Variants in MAP3K7CL observed in about 807,000 individuals in gnomAD.
The protein encoded by MAP3K7CL is MAP3K7 C-terminal like.
In MAP3K7CL, 16 loss-of-function variants were observed where a neutral mutation model predicts 18.6. The ratio of observed to expected loss-of-function variants is 0.86; its 90% CI spans 0.58 to 1.31. The LOEUF (loss-of-function observed/expected upper bound fraction) is 1.31, where lower values mean the gene tolerates loss of function less well. Ranked by LOEUF, MAP3K7CL falls within the 50% of genes most tolerant of loss-of-function variation. MAP3K7CL has a pLI of 0.00. For synonymous variants in MAP3K7CL, 65 were observed against 66.8 expected, an observed-to-expected ratio of 0.97 and a Z score of 0.13; for missense variants, 163 against 174.4, an observed-to-expected ratio of 0.93 and a Z score of 0.37.
chr21:29,157,332 G>T (rs2087431880), intron 3 of MAP3K7CL, among the ~76,000 whole-genome samples: 1 of 152,160 alleles, frequency 6.6e-6, no homozygotes, highest in African/African-American at 2.4e-5. Flanking sequence ...GTTTTGGTGG[G>T]TTATGCAATA....
At chr21:29,116,162 G>A (rs7277890) in intron 4 of MAP3K7CL, among the ~76,000 whole-genome samples, 23 of 152,138 alleles carry the variant, frequency 1.5e-4, no homozygotes, top group African/African-American at 5.5e-4. Context: ...GTTTTTATTC[G>A]TTATTTCTAT....
chr21:29,091,550 A>G, exon 2 of MAP3K7CL: 1 of 701,314 alleles, frequency 1.4e-6, no homozygotes, highest in Middle Eastern at 2.4e-4. Flanking sequence ...ATCATGGCTC[A>G]CTACAGCCCT....
chr21:29,108,488 T>C (rs973457899), intron 4 of MAP3K7CL, among the ~76,000 whole-genome samples: 5 of 152,220 alleles, frequency 3.3e-5, no homozygotes, highest in African/African-American at 4.8e-5. Context: ...TACTGCCAAA[T>C]TGTCCTCCAG....
rs375230417 is a variant in MAP3K7CL at position 29,159,925 on chromosome 21, C to A, written c.133-16C>A. Reference sequence around the variant, plus strand: ...ATGCAAAGAAATGGACTAATTTCTTCTTGTTGTTTGTGAAGCCCCTGCCGC... The same window carrying A: ...ATGCAAAGAAATGGACTAATTTCTTATTGTTGTTTGTGAAGCCCCTGCCGC... On this transcript the variant is annotated splice_polypyrimidine_tract_variant and intron_variant, in intron 3 of 4. Coordinates refer to ENST00000399928, the MANE Select transcript of MAP3K7CL (RefSeq NM_001286620.2). 4.4e-6 allele frequency: 7 copies of A among 1,600,666 alleles called. No homozygotes were observed. In the African/African-American group the frequency reaches 5.4e-5, roughly 12 times the overall value.
chr21:29,140,103 T>C (rs1216511326), intron 2 of MAP3K7CL, among the ~76,000 whole-genome samples: 1 of 152,076 alleles, frequency 6.6e-6, no homozygotes, highest in Non-Finnish European at 1.5e-5. Context: ...AGTGACAACA[T>C]TCAGTCACAA....
chr21:29,105,276 T>G (rs999179993), intron 4 of MAP3K7CL, among the ~76,000 whole-genome samples: 3 of 152,212 alleles, frequency 2.0e-5, no homozygotes, highest in African/African-American at 4.8e-5. Context: ...CTCCTACAGG[T>G]GATCGTTCAT....
In MAP3K7CL at chr21:29,172,241, C is replaced by CTT. The variant is rs35612617; in HGVS notation, c.249-2452_249-2451dup. 6.2e-3 allele frequency among the ~76,000 whole-genome samples: 776 copies of CTT among 126,042 alleles called. 6 individuals are homozygous for CTT. Among genetic ancestry groups the CTT allele is most frequent in the East Asian group, 0.042 (181 of 4,318 alleles). The allele number at this position is 126,042 out of a possible 152,430, so 82.7% of individuals were successfully genotyped here. On this transcript the variant is annotated intron_variant, in intron 4 of 4. Coordinates refer to ENST00000399928, the MANE Select transcript of MAP3K7CL (RefSeq NM_001286620.2). Reference sequence around the variant, plus strand: ...AGCACATTGCCTGTGTTGTCATTTTCTTTTTTTTTTTTTTTTTTTTGGTTT... The same window carrying CTT: ...AGCACATTGCCTGTGTTGTCATTTTCTTTTTTTTTTTTTTTTTTTTTTGGTTT...
Position 29,174,958 on chromosome 21 carries a change from T to C in MAP3K7CL, c.*66T>C. ...CCCTGTGCTGGCCAAAAGATTTTTA[T>C]TTTAAATGAATAGTGAGTCAGATCT... On this transcript the variant is annotated 3_prime_UTR_variant, in exon 5 of 5. Transcript: ENST00000399928. 1 of 1,454,374 alleles carries C rather than the reference T, an allele frequency of 6.9e-7. No individual in the cohort carries two copies. The highest frequency in any genetic ancestry group is 9.3e-7 in the Non-Finnish European group (1 of 1,074,778). 90.1% of individuals were successfully genotyped at this position (1,454,374 alleles called of 1,614,324 possible).
At chr21:29,087,221 G>A (rs928182873) in intron 1 of MAP3K7CL, among the ~76,000 whole-genome samples, 2 of 152,134 alleles carry the variant, frequency 1.3e-5, no homozygotes, top group Non-Finnish European at 2.9e-5. Context: ...CGTCTCCCCA[G>A]AGAGGGTTTC....
chr21:29,133,919 C>T (rs2086829390), intron 2 of MAP3K7CL, among the ~76,000 whole-genome samples: 1 of 152,222 alleles, frequency 6.6e-6, no homozygotes, highest in South Asian at 2.1e-4. Context: ...GGAGGAGCCT[C>T]TCTAAATAGT....
rs2086448404 is a variant in MAP3K7CL, at chr21:29,113,111, T to C, written c.370+20530T>C. ...CGCCCGGCCCCATTTATCTATATCT[T>C]ATTTTCTTTTCCTCTTCCTCTGTGC... is the stretch of plus-strand genomic sequence containing the variant. On this transcript the variant is annotated intron_variant, in intron 4 of 6. Transcript: ENST00000286791. Among the ~76,000 whole-genome samples, 2 of 152,162 alleles carry C rather than the reference T, an allele frequency of 1.3e-5. 1 individual carries two copies. The highest frequency in any genetic ancestry group is 1.3e-4 in the Admixed American group (2 of 15,276).
chr21:29,166,820 G>A (rs903064765), intron 4 of MAP3K7CL, among the ~76,000 whole-genome samples: 6 of 152,008 alleles, frequency 3.9e-5, no homozygotes, highest in African/African-American at 1.2e-4. Context: ...ACATTTAATC[G>A]GTTGTTTGCA....
intron 3 of MAP3K7CL, among the ~76,000 whole-genome samples, chr21:29,156,474 A>G (rs996775580): frequency 6.6e-6 from 1 of 152,204 alleles, no homozygotes; most frequent in Non-Finnish European, 1.5e-5. Flanking sequence ...CTCCATTTTT[A>G]AACTGGAAAC....
At chr21:29,109,130 A>C in intron 4 of MAP3K7CL, 3 of 1,535,384 alleles carry the variant, frequency 2.0e-6, no homozygotes, top group Non-Finnish European at 8.7e-7. Context: ...GCCTGACTGA[A>C]GATGCTTGTT....
chr21:29,097,112 G>T (rs9975111), intron 4 of MAP3K7CL, among the ~76,000 whole-genome samples: 7,761 of 152,162 alleles, frequency 0.051, 457 homozygotes, highest in East Asian at 0.16. Flanking sequence ...ACAAGTAGGG[G>T]TAAGGGATAC....
At chr21:29,135,292 A>C (rs2086861587) in intron 2 of MAP3K7CL, among the ~76,000 whole-genome samples, 1 of 152,162 alleles carries the variant, frequency 6.6e-6, no homozygotes, top group Non-Finnish European at 1.5e-5. Context: ...ATTTCAAGGA[A>C]TAGTCAGTGC....
intron 1 of MAP3K7CL, among the ~76,000 whole-genome samples, chr21:29,086,258 C>T (rs1394375125): frequency 6.6e-6 from 1 of 152,062 alleles, no homozygotes; most frequent in East Asian, 1.9e-4. Context: ...GTAAGGACTG[C>T]TTTATATGGT....
rs188115492 is a variant in MAP3K7CL at position 29,130,754 on chromosome 21, G to A, written c.-209G>A. On this transcript the variant is annotated 5_prime_UTR_variant, in exon 1 of 5. Transcript: ENST00000399928. ...GGACGCTGGGGTCTGGGGCAGAGCAGGTAGCAGCGTGCTGCCCTGACAGCT... is the reference window on the plus strand; with the variant it reads ...GGACGCTGGGGTCTGGGGCAGAGCAAGTAGCAGCGTGCTGCCCTGACAGCT... 5.8e-4 allele frequency: 575 copies of A among 985,556 alleles called. No homozygotes were observed. Among genetic ancestry groups the A allele is most frequent in the Admixed American group, 8.0e-4 (13 of 16,290 alleles). The allele number at this position is 985,556 out of a possible 1,614,324, so 61.1% of individuals were successfully genotyped here.
chr21:29,080,420 C>A (rs756896307), intron 1 of MAP3K7CL: 2 of 152,236 alleles, frequency 1.3e-5, no homozygotes, highest in Non-Finnish European at 2.9e-5. Flanking sequence ...TGGTTTAAAC[C>A]AGAATTCCTG....
Sources: allele counts gnomAD v4.1 joint callset (sites outside exome capture counted in the v4.1 genomes callset), GRCh38; gene constraint gnomAD v4.1.1; transcripts MANE v1.5; gene names NCBI Gene and HGNC (gene_info 2026-07-23, HGNC 2026-07-21).